Variants in MYO7A observed in about 807,000 individuals in gnomAD.
MYO7A encodes unconventional myosin-VIIa.
Under a neutral mutation model 263.8 loss-of-function variants are expected in MYO7A, and 210 were observed. The observed-to-expected ratio is 0.80, with a 90% CI of 0.71 to 0.89. The LOEUF is 0.89. Ranked by LOEUF, MYO7A falls within the 40% of genes least tolerant of loss-of-function variation. MYO7A has a pLI of 0.00. For synonymous variants in MYO7A, 1,239 were observed against 1,197.3 expected (o/e 1.03, Z -0.72); for missense variants, 2,820 against 2,968.3 (o/e 0.95, Z 1.16).
chr11:77,210,055 T>C (rs911359671), intron 44 of MYO7A, among the ~76,000 whole-genome samples: 1 of 152,264 alleles, frequency 6.6e-6, no homozygotes, highest in Admixed American at 6.5e-5. Flanking sequence ...GTCAGCCATT[T>C]TATCTTAAAG....
Position 77,157,280 on chromosome 11 carries a change from C to T in MYO7A, c.737C>T (p.Ala246Val). 8 of 1,606,588 alleles carry T rather than the reference C, an allele frequency of 5.0e-6. No individual in the cohort carries two copies. Among genetic ancestry groups the T allele is most frequent in the Non-Finnish European group, 6.8e-6 (8 of 1,176,114 alleles). ...CCAGCACTGTGCCCACATTTTCAGG[C>T]CCTGGATGAAAGGAACTACCACGTG... ...LLEKSRVCRQ[A>V]LDERNYHVFY... Residue 246 changes from alanine to valine, a missense_variant and splice_region_variant, in exon 8 of 49, where the codon GCC becomes GTC. Physicochemically the swap from Ala to Val is moderately conservative, Grantham distance 64 (BLOSUM62 0). Transcript: ENST00000409709.
At chr11:77,167,429 T>C (rs880003178) in intron 15 of MYO7A, among the ~76,000 whole-genome samples, 5 of 152,122 alleles carry the variant, frequency 3.3e-5, no homozygotes, top group Non-Finnish European at 7.4e-5. Context: ...ATTTTGCAGA[T>C]GAGAGACTGA....
At chr11:77,134,335 GTTAT>G (rs1950852606) in intron 2 of MYO7A, among the ~76,000 whole-genome samples, 2 of 152,048 alleles carry the variant, frequency 1.3e-5, no homozygotes, top group Admixed American at 6.5e-5. Context: ...CCCCCTTTAT[GTTAT>G]TTATTGTCCA....
intron 46 of MYO7A, chr11:77,212,163 T>G: frequency 1.5e-6 from 1 of 655,344 alleles, no homozygotes; most frequent in Non-Finnish European, 2.8e-6. Flanking sequence ...GAGGCAGACA[T>G]GTAAACAGGC....
chr11:77,177,632 A>T lies in MYO7A; in HGVS notation c.2271A>T (p.Gly757=). The T allele has an allele frequency of 6.2e-7, 1 of 1,609,574 alleles. No individual in the cohort carries two copies. Among genetic ancestry groups the T allele is most frequent in the South Asian group, 1.1e-5 (1 of 89,820 alleles). Residue 757 remains glycine, a synonymous_variant, in exon 19 of 49, where the codon GGA becomes GGT. Transcript: ENST00000409709. ...TCCTCCTTCAGAAAGTCATCCGGGG[A>T]TTCAAAGACAGGTGCGTGTTCCCAC... The part of the protein sequence containing the change: ...RVILLQKVIR[G]FKDRSNFLKL...
Position 77,204,123 on chromosome 11 carries a change from G to C in MYO7A, c.5374G>C (p.Val1792Leu). ...CTACCCGTCCAAGAGGACACGCTCC[G>C]TCAACGAGCTCACCGACCAGATCTT... ...GDYPSKRTRS[V>L]NELTDQIFEG... The change falls in exon 39 of 49, where the codon GTC becomes CTC. Residue 1792 changes from valine (V) to leucine (L), a missense_variant. Coordinates refer to ENST00000409709, the MANE Select transcript of MYO7A (RefSeq NM_000260.4). The C allele has an allele frequency of 6.2e-7, 1 of 1,600,264 alleles. No homozygotes were observed. The highest frequency in any genetic ancestry group is 8.5e-7 in the Non-Finnish European group (1 of 1,173,664).
chr11:77,193,102 TGATGC>T (rs1157569307), intron 31 of MYO7A, among the ~76,000 whole-genome samples: 1 of 103,462 alleles, frequency 9.7e-6, no homozygotes, highest in Admixed American at 1.0e-4. Flanking sequence ...GTGGAGGTAG[TGATGC>T]TGTTGGTGAT....
rs1406649203 is a variant in MYO7A at position 77,193,058 on chromosome 11, G to GTGT, written c.4152+783_4152+785dup. Among the ~76,000 whole-genome samples the GTGT allele has an allele frequency of 1.6e-5, 2 of 123,520 alleles. 1 individual carries two copies. Among genetic ancestry groups the GTGT allele is most frequent in the Non-Finnish European group, 3.8e-5 (2 of 52,190 alleles). 81.0% of individuals were successfully genotyped at this position (123,520 alleles called of 152,430 possible). A position where few individuals can be genotyped will look rare whatever the true frequency, so the allele number is the denominator to read the frequency against. ...GTTGGTGATGGTGGAGGTGGTGATGGTGTTGGTGATGGTGGAGGTAGTTGT... is the reference window on the plus strand; with the variant it reads ...GTTGGTGATGGTGGAGGTGGTGATGGTGTTGTTGGTGATGGTGGAGGTAGTTGT... On this transcript the variant is annotated intron_variant, in intron 31 of 48. Coordinates refer to ENST00000409709, the MANE Select transcript of MYO7A (RefSeq NM_000260.4).
At chr11:77,156,815 G>A (rs782158278) in intron 6 of MYO7A, 34 bp downstream of exon 6, 19 of 1,613,866 alleles carry the variant, frequency 1.2e-5, no homozygotes, top group Non-Finnish European at 1.4e-5. Flanking sequence ...GGACCAGGCA[G>A]TGGGGCGGGA....
At position 77,139,946 on chromosome 11, in the gene MYO7A, C is replaced by T. The variant is rs374555639; in HGVS notation, c.19-2763C>T. ...AGAAGTCCTAAGACCCCAGAATTCT[C>T]CCTGAAGCCTCTCCCCTGCCATCTG... is the stretch of plus-strand genomic sequence containing the variant. On this transcript the variant is annotated intron_variant, in intron 2 of 48. Transcript: ENST00000409709. 1.0e-3 allele frequency among the ~76,000 whole-genome samples: 152 copies of T among 152,304 alleles called. 1 individual carries two copies. The highest frequency in any genetic ancestry group is 3.6e-3 in the African/African-American group (148 of 41,570).
chr11:77,193,080 T>TGATGC lies in MYO7A; in HGVS notation c.4152+802_4152+803insGATGC, dbSNP rs568486921. ...ATGGTGTTGGTGATGGTGGAGGTAG[T>TGATGC]TGTTTGTGATGGTGGAGGTAGTGAT... On this transcript the variant is annotated intron_variant, in intron 31 of 48. Coordinates refer to ENST00000409709, the MANE Select transcript of MYO7A (RefSeq NM_000260.4). Among the ~76,000 whole-genome samples, 103 of 44,660 alleles carry TGATGC rather than the reference T, an allele frequency of 2.3e-3. 6 individuals carry two copies. The highest frequency in any genetic ancestry group is 0.012 in the African/African-American group (64 of 5,258). The allele number at this position is 44,660 out of a possible 152,430, so 29.3% of individuals were successfully genotyped here.
At chr11:77,182,977 G>T in intron 25 of MYO7A, 91 bp from the exon 26 acceptor site, 1 of 1,113,018 alleles carries the variant, frequency 9.0e-7, no homozygotes, top group Non-Finnish European at 1.3e-6. Flanking sequence ...TCACGTGGAA[G>T]CGAGACGGTT....
In MYO7A at chr11:77,206,105, C is replaced by T. The variant is rs750017716; in HGVS notation, c.5645C>T (p.Ser1882Phe). The change falls in exon 41 of 49, where the codon TCC becomes TTC. Residue 1882 changes from serine (S) to phenylalanine (F), a missense_variant. Transcript: ENST00000409709. ...CCCTGCTGCCTTTTCAGAAACGGGT[C>T]CCGGAAGTACCCTCCGCACCTGGTG... ...QRLQKALRNG[S>F]RKYPPHLVEV... The T allele has an allele frequency of 1.2e-6, 2 of 1,611,784 alleles. No individual in the cohort carries two copies. Among genetic ancestry groups the T allele is most frequent in the Non-Finnish European group, 1.7e-6 (2 of 1,179,090 alleles).
chr11:77,136,861 G>A (rs1395435073), intron 2 of MYO7A, among the ~76,000 whole-genome samples: 7 of 152,190 alleles, frequency 4.6e-5, no homozygotes, highest in African/African-American at 1.7e-4. Flanking sequence ...GCTATCCTAT[G>A]TCTCCGGGAC....
chr11:77,162,940 C>T lies in MYO7A; in HGVS notation c.1642C>T (p.Gln548Ter). Reference sequence around the variant, plus strand: ...CCCCCCCAAGAACAACCATGAGACCCAGTTTGGCATCAACCATTTTGCAGG... The same window carrying T: ...CCCCCCCAAGAACAACCATGAGACCTAGTTTGGCATCAACCATTTTGCAGG... Reference protein sequence around the residue: ...YIPPKNNHETQFGINHFAGIV... With the variant: ...YIPPKNNHET Residue 548 changes from glutamine (Q) to a stop codon, truncating the protein, a stop_gained, in exon 14 of 49, where the codon CAG becomes TAG. Coordinates refer to ENST00000409709, the MANE Select transcript of MYO7A (RefSeq NM_000260.4). LOFTEE classifies it high-confidence loss of function. The T allele has an allele frequency of 6.2e-7, 1 of 1,613,854 alleles. No homozygotes were observed. Among genetic ancestry groups the T allele is most frequent in the Non-Finnish European group, 8.5e-7 (1 of 1,179,868 alleles).
intron 16 of MYO7A, among the ~76,000 whole-genome samples, chr11:77,174,076 C>A (rs1388513938): frequency 3.9e-5 from 6 of 152,048 alleles, no homozygotes; most frequent in Non-Finnish European, 8.8e-5. Context: ...AGACCTGGCC[C>A]AGTCTCTCCC....
chr11:77,129,979 C>G (rs7116950), intron 1 of MYO7A, among the ~76,000 whole-genome samples: 45,953 of 152,006 alleles, frequency 0.3, 7,996 homozygotes, highest in Middle Eastern at 0.48. Flanking sequence ...GGGCCCGGGC[C>G]CGGGCCCAGG....
chr11:77,194,380 C>A lies in MYO7A; in HGVS notation c.4179C>A (p.Ser1393=). The change falls in exon 32 of 49, where the codon TCC becomes TCA. Residue 1393 remains serine (S), a synonymous_variant. Transcript: ENST00000409709. ...AGGACGACCTGGCTGAGCTGGCCTC[C>A]CAGCAGTACTTTGTAGACTATGGCT... ...EKEDDLAELA[S]QQYFVDYGSE... 1.2e-6 allele frequency: 2 copies of A among 1,612,730 alleles called. No homozygotes were observed. Among genetic ancestry groups the A allele is most frequent in the Non-Finnish European group, 1.7e-6 (2 of 1,179,398 alleles).
intron 2 of MYO7A, among the ~76,000 whole-genome samples, chr11:77,134,943 C>G (rs1320825930): frequency 5.9e-5 from 9 of 152,052 alleles, no homozygotes; most frequent in African/African-American, 2.2e-4. Flanking sequence ...TGCCACCATG[C>G]CCAGCTAATT....
Sources: allele counts gnomAD v4.1 joint callset (sites outside exome capture counted in the v4.1 genomes callset), GRCh38; gene constraint gnomAD v4.1.1; transcripts MANE v1.5; gene names NCBI Gene and HGNC (gene_info 2026-07-23, HGNC 2026-07-21).